Variants in CACNA1B observed in about 807,000 individuals in gnomAD.
The protein encoded by CACNA1B is voltage-dependent N-type calcium channel subunit alpha-1B.
In CACNA1B, 70 loss-of-function variants were observed where a neutral mutation model predicts 247.2. The ratio of observed to expected loss-of-function variants is 0.28; its 90% CI spans 0.23 to 0.35. The LOEUF is 0.35. Ranked by LOEUF, CACNA1B falls within the 10% of genes least tolerant of loss-of-function variation. The pLI, the probability that CACNA1B is intolerant of heterozygous loss-of-function variation, is 1.00. For missense variants in CACNA1B, 2,367 were observed against 3,197.4 expected (o/e 0.74, Z 6.26); for synonymous variants, 1,231 against 1,294.4 (o/e 0.95, Z 1.05).
intron 31 of CACNA1B, among the ~76,000 whole-genome samples, chr9:138,061,595 A>C (rs1959725875): frequency 6.6e-6 from 1 of 151,918 alleles, no homozygotes; most frequent in African/African-American, 2.4e-5. Flanking sequence ...GATCCAGTGG[A>C]CCCCGCGGTC....
chr9:138,017,618 C>A (rs1200924942), intron 18 of CACNA1B, among the ~76,000 whole-genome samples: 1 of 152,170 alleles, frequency 6.6e-6, no homozygotes, highest in African/African-American at 2.4e-5. Context: ...GTTTATGGGT[C>A]CTCCTAGGCC....
intron 6 of CACNA1B, among the ~76,000 whole-genome samples, chr9:137,923,487 G>C: frequency 6.6e-6 from 1 of 151,692 alleles, no homozygotes; most frequent in Non-Finnish European, 1.5e-5. Context: ...GTGGTGCCAG[G>C]TGGTATTCCC....
chr9:138,107,677 G>A (rs1961479533), intron 39 of CACNA1B, among the ~76,000 whole-genome samples: 1 of 151,912 alleles, frequency 6.6e-6, no homozygotes, highest in South Asian at 2.1e-4. Flanking sequence ...AACAGCCAGA[G>A]TGATCAGGTT....
chr9:137,912,113 A>T (rs1364962223), intron 3 of CACNA1B, among the ~76,000 whole-genome samples: 1 of 152,248 alleles, frequency 6.6e-6, no homozygotes, highest in African/African-American at 2.4e-5. Flanking sequence ...GCTTTTTAAA[A>T]TACCCATATG....
intron 20 of CACNA1B, among the ~76,000 whole-genome samples, chr9:138,027,832 T>G (rs1463624242): frequency 1.3e-5 from 2 of 152,158 alleles, no homozygotes; most frequent in African/African-American, 4.8e-5. Flanking sequence ...TGGATTCTCT[T>G]TAACATTTTT....
rs184968483 is a variant in CACNA1B at position 138,064,655 on chromosome 9, G to T, written c.4668+4918G>T. ...ATGCCATGGCTGATTAGCCACCACT[G>T]TGGACCTTTGCAGGTCAGGGCTCTT... On this transcript the variant is annotated intron_variant, in intron 31 of 46. Coordinates refer to ENST00000371372, the MANE Select transcript of CACNA1B (RefSeq NM_000718.4). 4.5e-3 allele frequency among the ~76,000 whole-genome samples: 691 copies of T among 152,340 alleles called. 8 individuals carry two copies. Among genetic ancestry groups the T allele is most frequent in the African/African-American group, 0.016 (661 of 41,582 alleles).
intron 15 of CACNA1B, among the ~76,000 whole-genome samples, chr9:138,005,439 T>C (rs1285684297): frequency 6.6e-6 from 1 of 152,158 alleles, no homozygotes; most frequent in Admixed American, 6.5e-5. Context: ...GTTAGAATGA[T>C]GGCTACCAGA....
intron 42 of CACNA1B, 115 bp downstream of exon 42, chr9:138,115,794 G>A: frequency 8.8e-7 from 1 of 1,136,236 alleles, no homozygotes; most frequent in East Asian, 2.5e-5. Context: ...CTGGCCTCTG[G>A]GTTCACCAGC....
At chr9:137,975,797 G>A (rs1958212781) in intron 11 of CACNA1B, 110 bp from the exon 12 acceptor site, 1 of 723,158 alleles carries the variant, frequency 1.4e-6, no homozygotes, top group African/African-American at 1.8e-5. Flanking sequence ...GGCCAGGCCT[G>A]GAAGGCTCAG....
chr9:138,015,531 G>A lies in CACNA1B; in HGVS notation c.2267+2296G>A, dbSNP rs900665301. Among the ~76,000 whole-genome samples the A allele has an allele frequency of 2.6e-5, 4 of 152,152 alleles. No homozygotes were observed. In the East Asian group the frequency reaches 7.7e-4, roughly 29 times the overall value. ...TCATTTCCAGCACCTTGAGCTGCTG[G>A]GCTGTGCGAGAGCAGTGCCCTTGAG... On this transcript the variant is annotated intron_variant, in intron 18 of 46. Coordinates refer to ENST00000371372, the MANE Select transcript of CACNA1B (RefSeq NM_000718.4).
Position 138,122,009 on chromosome 9 carries a change from G to A in CACNA1B, c.*10G>A. Reference sequence around the variant, plus strand: ...AGACCACTGGTGCTAGCTGCACCGTGACCGCTCAGACGCCTGCATGCAGCA... The same window carrying A: ...AGACCACTGGTGCTAGCTGCACCGTAACCGCTCAGACGCCTGCATGCAGCA... On this transcript the variant is annotated 3_prime_UTR_variant, in exon 47 of 47. Transcript: ENST00000371372. 1 of 1,589,528 alleles carries A rather than the reference G, an allele frequency of 6.3e-7. No individual in the cohort carries two copies. Among genetic ancestry groups the A allele is most frequent in the Non-Finnish European group, 8.5e-7 (1 of 1,173,668 alleles).
chr9:137,897,073 T>C (rs902432429), intron 3 of CACNA1B, among the ~76,000 whole-genome samples: 4 of 151,912 alleles, frequency 2.6e-5, no homozygotes, highest in African/African-American at 9.7e-5. Flanking sequence ...ATTATGTCAG[T>C]TTTTTTTCCC....
In CACNA1B at chr9:137,955,852, ACT is replaced by A; in HGVS notation, c.1186+40_1186+41del. The A allele has an allele frequency of 7.5e-7, 1 of 1,339,356 alleles. No homozygotes were observed. Among genetic ancestry groups the A allele is most frequent in the East Asian group, 2.5e-5 (1 of 40,740 alleles). The allele number at this position is 1,339,356 out of a possible 1,614,324, so 83.0% of individuals were successfully genotyped here. A position where few individuals can be genotyped will look rare whatever the true frequency, so the allele number is the denominator to read the frequency against. ...GGAGCCACTGCACTCCTGGCCGGCC[ACT>A]GTTAGTTCTCTGTCCCCAATTCTGC... is the stretch of plus-strand genomic sequence containing the variant. On this transcript the variant is annotated intron_variant, in intron 8 of 46. Coordinates refer to ENST00000371372, the MANE Select transcript of CACNA1B (RefSeq NM_000718.4). This position sits in a 1 kb window ranked among gnomAD's most constrained non-coding sequence, Gnocchi z 6.9.
rs553379357 is a variant in CACNA1B at position 138,108,023 on chromosome 9, G to A, written c.5428+2216G>A. ...TAGATAACCTTCAGTTTCAACACCAGAGGACAAAAAAAAAAAAAAAAGAGA... is the reference window on the plus strand; with the variant it reads ...TAGATAACCTTCAGTTTCAACACCAAAGGACAAAAAAAAAAAAAAAAGAGA... On this transcript the variant is annotated intron_variant, in intron 39 of 46. Coordinates refer to ENST00000371372, the MANE Select transcript of CACNA1B (RefSeq NM_000718.4). Among the ~76,000 whole-genome samples the A allele has an allele frequency of 1.7e-3, 236 of 141,504 alleles. 1 individual carries two copies. Among genetic ancestry groups the A allele is most frequent in the Non-Finnish European group, 1.8e-3 (119 of 65,732 alleles). 92.8% of individuals were successfully genotyped at this position (141,504 alleles called of 152,430 possible). A position where few individuals can be genotyped will look rare whatever the true frequency, so the allele number is the denominator to read the frequency against.
At chr9:138,006,737 G>T (rs199938582) in intron 15 of CACNA1B, 30 bp from the exon 16 acceptor site, 12 of 1,330,818 alleles carry the variant, frequency 9.0e-6, no homozygotes, top group Non-Finnish European at 1.3e-5. Context: ...GGCCATGGGG[G>T]CTTGCCCTGT....
rs1327464904 is a variant in CACNA1B, at chr9:137,882,450, G to A, written c.391-294G>A. Among the ~76,000 whole-genome samples the A allele has an allele frequency of 6.6e-6, 1 of 152,212 alleles. No homozygotes were observed. The highest frequency in any genetic ancestry group is 2.1e-4 in the South Asian group (1 of 4,838). On this transcript the variant is annotated intron_variant, in intron 2 of 46. Transcript: ENST00000371372. The surrounding 1 kb of genome is among the most constrained non-coding windows in gnomAD (Gnocchi z 4.0). ...AGATTGGGGCCCCACTGTGACGTGG[G>A]CAGAAGCTGAGATGCCAGGGTGGGA...
chr9:137,998,110 G>C (rs1410823672), intron 15 of CACNA1B, among the ~76,000 whole-genome samples: 1 of 152,114 alleles, frequency 6.6e-6, no homozygotes, highest in Non-Finnish European at 1.5e-5. Flanking sequence ...CTGGTGGTGG[G>C]GTGGGGGTTG....
At chr9:137,932,105 G>A (rs1250840125) in intron 6 of CACNA1B, among the ~76,000 whole-genome samples, 2 of 152,212 alleles carry the variant, frequency 1.3e-5, no homozygotes, top group Non-Finnish European at 2.9e-5. Flanking sequence ...TCTGTAAAGT[G>A]ACTGCTGCCA....
At chr9:138,043,978 C>T (rs548966727) in intron 21 of CACNA1B, 78 bp downstream of exon 21, 39 of 1,516,832 alleles carry the variant, frequency 2.6e-5, no homozygotes, top group South Asian at 2.0e-4. Flanking sequence ...CAGTAGCCAG[C>T]GTGCACTGAT....
Sources: allele counts gnomAD v4.1 joint callset (sites outside exome capture counted in the v4.1 genomes callset), GRCh38; gene constraint gnomAD v4.1.1; non-coding constraint Gnocchi (gnomAD v3.1); transcripts MANE v1.5; gene names NCBI Gene and HGNC (gene_info 2026-07-23, HGNC 2026-07-21).